Variants in MRGPRE observed in about 807,000 individuals in gnomAD.
MRGPRE encodes MAS related GPR family member E.
For missense variants in MRGPRE, 466 were observed against 433.4 expected, an observed-to-expected ratio of 1.08 and a Z score of -0.67; for synonymous variants, 229 against 206.7, an observed-to-expected ratio of 1.11 and a Z score of -0.92.
At position 3,227,712 on chromosome 11, in the gene MRGPRE, C is replaced by T. The variant is rs10833512; in HGVS notation, c.*149G>A. 0.31 allele frequency: 189,568 copies of T among 619,366 alleles called. 30,978 individuals are homozygous for T. Among genetic ancestry groups the T allele is most frequent in the Admixed American group, 0.37 (10,797 of 29,502 alleles). 38.4% of individuals were successfully genotyped at this position (619,366 alleles called of 1,614,324 possible). A position where few individuals can be genotyped will look rare whatever the true frequency, so the allele number is the denominator to read the frequency against. Reference sequence around the variant, plus strand: ...TCCCAGGGGAGCCTCATGCTCCAGACCAAGGGTCACAACTTTGACAGCACA... The same window carrying T: ...TCCCAGGGGAGCCTCATGCTCCAGATCAAGGGTCACAACTTTGACAGCACA... On this transcript the variant is annotated 3_prime_UTR_variant, in exon 2 of 2. Transcript: ENST00000389832.
Position 3,229,771 on chromosome 11 carries a change from C to A in MRGPRE, c.-61-911G>T, listed in dbSNP as rs914728307. On this transcript the variant is annotated intron_variant, in intron 1 of 1. Transcript: ENST00000389832. This position sits in a 1 kb window ranked among gnomAD's most constrained non-coding sequence, Gnocchi z 4.4. ...TGGCCATGTCCCTGCTGTCCTACAGCAGGACTCCAGCCCTCTGCAGGGTAG... is the reference window on the plus strand; with the variant it reads ...TGGCCATGTCCCTGCTGTCCTACAGAAGGACTCCAGCCCTCTGCAGGGTAG... Among the ~76,000 whole-genome samples, 6 of 152,352 alleles carry A rather than the reference C, an allele frequency of 3.9e-5. No individual in the cohort carries two copies. Among genetic ancestry groups the A allele is most frequent in the African/African-American group, 1.4e-4 (6 of 41,582 alleles).
chr11:3,231,642 C>T lies in MRGPRE; in HGVS notation c.-62+499G>A, dbSNP rs1425085758. Among the ~76,000 whole-genome samples the T allele has an allele frequency of 7.9e-6, 1 of 126,656 alleles. No homozygotes were observed. Among genetic ancestry groups the T allele is most frequent in the East Asian group, 2.2e-4 (1 of 4,476 alleles). 83.1% of individuals were successfully genotyped at this position (126,656 alleles called of 152,430 possible). A position where few individuals can be genotyped will look rare whatever the true frequency, so the allele number is the denominator to read the frequency against. ...GGGGGAGGAGAAGGAGGGGAGGAGG[C>T]GGGGAAGGACGATGGAACAGAAGAG... is the stretch of plus-strand genomic sequence containing the variant. On this transcript the variant is annotated intron_variant, in intron 1 of 1. Transcript: ENST00000389832. The surrounding 1 kb of genome is among the most constrained non-coding windows in gnomAD (Gnocchi z 4.7).
chr11:3,228,175 G>C lies in MRGPRE; in HGVS notation c.625C>G (p.Arg209Gly). 3 of 1,566,912 alleles carry C rather than the reference G, an allele frequency of 1.9e-6. No homozygotes were observed. Among genetic ancestry groups the C allele is most frequent in the African/African-American group, 1.3e-5 (1 of 74,452 alleles). The change falls in exon 2 of 2, where the codon CGG becomes GGG. Residue 209 changes from arginine to glycine, a missense_variant. Arg to Gly is a moderately radical substitution (Grantham distance 125). Coordinates refer to ENST00000389832, the MANE Select transcript of MRGPRE (RefSeq NM_001039165.4). ...LLLRVERGPQ[R>G]PPPRGFPGLI... ...CCAGGGAAGCCCCGGGGTGGGGGCC[G>C]CTGGGGGCCTCGCTCCACCCGCAGC... is the stretch of plus-strand genomic sequence containing the variant.
In MRGPRE at chr11:3,225,550, C is replaced by T. The variant is rs1406560832; in HGVS notation, c.*2311G>A. The stretch of plus-strand genomic sequence containing the variant: ...GCAGCGGGGGAGGTCAGAGGAGGCG[C>T]AGGCTGGGCAGGGGCAGGTGGGAGC... On this transcript the variant is annotated 3_prime_UTR_variant, in exon 2 of 2. Coordinates refer to ENST00000389832, the MANE Select transcript of MRGPRE (RefSeq NM_001039165.4). Among the ~76,000 whole-genome samples, 1 of 152,134 alleles carries T rather than the reference C, an allele frequency of 6.6e-6. No individual in the cohort carries two copies. The highest frequency in any genetic ancestry group is 2.4e-5 in the African/African-American group (1 of 41,420).
chr11:3,229,007 C>T lies in MRGPRE; in HGVS notation c.-61-147G>A. 1.8e-6 allele frequency: 1 copy of T among 552,530 alleles called. No individual in the cohort carries two copies. Among genetic ancestry groups the T allele is most frequent in the Non-Finnish European group, 3.2e-6 (1 of 311,076 alleles). 34.2% of individuals were successfully genotyped at this position (552,530 alleles called of 1,614,324 possible). On this transcript the variant is annotated intron_variant, in intron 1 of 1. Coordinates refer to ENST00000389832, the MANE Select transcript of MRGPRE (RefSeq NM_001039165.4). The surrounding 1 kb of genome is among the most constrained non-coding windows in gnomAD (Gnocchi z 4.4). ...CCCCTCTCTCATTTCCACCCTCAGC[C>T]ACCTGACCTAAGCTTCTCTTCCCTA...
In MRGPRE at chr11:3,227,311, G is replaced by A. The variant is rs1461915317; in HGVS notation, c.*550C>T. On this transcript the variant is annotated 3_prime_UTR_variant, in exon 2 of 2. Coordinates refer to ENST00000389832, the MANE Select transcript of MRGPRE (RefSeq NM_001039165.4). ...CCTTGAGCAACTGGCTGATGATCAAGGACGGGGAGGGGGTCAAGTTTTGGG... is the reference window on the plus strand; with the variant it reads ...CCTTGAGCAACTGGCTGATGATCAAAGACGGGGAGGGGGTCAAGTTTTGGG... Among the ~76,000 whole-genome samples the A allele has an allele frequency of 1.3e-5, 2 of 152,208 alleles. No individual in the cohort carries two copies. The highest frequency in any genetic ancestry group is 2.9e-5 in the Non-Finnish European group (2 of 68,034).
At position 3,231,886 on chromosome 11, in the gene MRGPRE, C is replaced by T. The variant is rs576785547; in HGVS notation, c.-62+255G>A. 2.0e-5 allele frequency among the ~76,000 whole-genome samples: 3 copies of T among 149,784 alleles called. No homozygotes were observed. The highest frequency in any genetic ancestry group is 2.0e-4 in the Admixed American group (3 of 15,084). Reference sequence around the variant, plus strand: ...CAAGGCAGACAGGAGACAGAGCCACCGGGGGTGGGGGGTTGGGGAGCCATC... The same window carrying T: ...CAAGGCAGACAGGAGACAGAGCCACTGGGGGTGGGGGGTTGGGGAGCCATC... On this transcript the variant is annotated intron_variant, in intron 1 of 1. Transcript: ENST00000389832. This position sits in a 1 kb window ranked among gnomAD's most constrained non-coding sequence, Gnocchi z 4.7.
chr11:3,227,216 G>GGA lies in MRGPRE; in HGVS notation c.*643_*644dup, dbSNP rs1481130498. ...CAGGGTGCACCCTCCTAATATCCAG[G>GGA]GACACCCATGGGGCCGGCTTTTCTG... is the stretch of plus-strand genomic sequence containing the variant. On this transcript the variant is annotated 3_prime_UTR_variant, in exon 2 of 2. Coordinates refer to ENST00000389832, the MANE Select transcript of MRGPRE (RefSeq NM_001039165.4). Among the ~76,000 whole-genome samples, 1 of 152,220 alleles carries GGA rather than the reference G, an allele frequency of 6.6e-6. No homozygotes were observed. Among genetic ancestry groups the GGA allele is most frequent in the Admixed American group, 6.5e-5 (1 of 15,290 alleles).
chr11:3,229,118 G>T lies in MRGPRE; in HGVS notation c.-61-258C>A, dbSNP rs10766790. Among the ~76,000 whole-genome samples, 38 of 151,940 alleles carry T rather than the reference G, an allele frequency of 2.5e-4. No individual in the cohort carries two copies. The East Asian group carries it at 6.2e-3, about 25-fold the overall frequency. On this transcript the variant is annotated intron_variant, in intron 1 of 1. Transcript: ENST00000389832. The surrounding 1 kb of genome is among the most constrained non-coding windows in gnomAD (Gnocchi z 4.4). ...GCCTTCCGTGGGGCTGGTCCCTGTA[G>T]GCCAGGTGGGGGCAGGGACCAGGAG... is the stretch of plus-strand genomic sequence containing the variant.
chr11:3,231,268 G>A lies in MRGPRE; in HGVS notation c.-62+873C>T, dbSNP rs1847826677. On this transcript the variant is annotated intron_variant, in intron 1 of 1. Coordinates refer to ENST00000389832, the MANE Select transcript of MRGPRE (RefSeq NM_001039165.4). The surrounding 1 kb of genome is among the most constrained non-coding windows in gnomAD (Gnocchi z 4.7). ...GGGAAGCGATGGACATAGAGGGAGA[G>A]GGGAGAGTGCAGGAAGGGGAGAGGC... is the stretch of plus-strand genomic sequence containing the variant. Among the ~76,000 whole-genome samples the A allele has an allele frequency of 1.3e-5, 2 of 152,064 alleles. No homozygotes were observed. The highest frequency in any genetic ancestry group is 4.1e-4 in the South Asian group (2 of 4,822).
intron 1 of MRGPRE, 82 bp from the exon 2 acceptor site, chr11:3,228,942 G>A (rs1847798689): frequency 4.4e-6 from 3 of 681,384 alleles, no homozygotes; most frequent in Admixed American, 5.9e-5. Flanking sequence ...TGAGAGTTGG[G>A]TGGGTGACCA....
rs1847805749 is a variant in MRGPRE at position 3,229,379 on chromosome 11, C to T, written c.-61-519G>A. 6.6e-6 allele frequency among the ~76,000 whole-genome samples: 1 copy of T among 152,092 alleles called. No homozygotes were observed. The highest frequency in any genetic ancestry group is 2.1e-4 in the South Asian group (1 of 4,820). On this transcript the variant is annotated intron_variant, in intron 1 of 1. Transcript: ENST00000389832. The surrounding 1 kb of genome is among the most constrained non-coding windows in gnomAD (Gnocchi z 4.4). ...GAGCTGGGATTACAGGCGTGCATCACCATGCCCAGCTAATTTATTGCATTT... is the reference window on the plus strand; with the variant it reads ...GAGCTGGGATTACAGGCGTGCATCATCATGCCCAGCTAATTTATTGCATTT...
chr11:3,226,839 C>G lies in MRGPRE; in HGVS notation c.*1022G>C, dbSNP rs1847766496. 6.6e-6 allele frequency among the ~76,000 whole-genome samples: 1 copy of G among 152,204 alleles called. No homozygotes were observed. Among genetic ancestry groups the G allele is most frequent in the South Asian group, 2.1e-4 (1 of 4,830 alleles). ...TGGGTTCTCATATTTTACAGACCAG[C>G]AAACAGAGGCGTAGGGATGTTCAGA... On this transcript the variant is annotated 3_prime_UTR_variant, in exon 2 of 2. Transcript: ENST00000389832.
Position 3,230,663 on chromosome 11 carries a change from A to C in MRGPRE, c.-62+1478T>G, listed in dbSNP as rs995883927. ...GGGGGTGGGGGGCTCAGTGGAGAGG[A>C]GGCCCCAGTCCCAGCACCTCAGGAA... On this transcript the variant is annotated intron_variant, in intron 1 of 1. Coordinates refer to ENST00000389832, the MANE Select transcript of MRGPRE (RefSeq NM_001039165.4). The surrounding 1 kb of genome is among the most constrained non-coding windows in gnomAD (Gnocchi z 5.5). 2.0e-5 allele frequency among the ~76,000 whole-genome samples: 3 copies of C among 151,960 alleles called. No homozygotes were observed. Among genetic ancestry groups the C allele is most frequent in the Non-Finnish European group, 2.9e-5 (2 of 67,942 alleles).
In MRGPRE at chr11:3,230,008, A is replaced by G. The variant is rs1847812305; in HGVS notation, c.-61-1148T>C. Among the ~76,000 whole-genome samples the G allele has an allele frequency of 6.6e-6, 1 of 152,012 alleles. No individual in the cohort carries two copies. Among genetic ancestry groups the G allele is most frequent in the Non-Finnish European group, 1.5e-5 (1 of 67,978 alleles). On this transcript the variant is annotated intron_variant, in intron 1 of 1. Coordinates refer to ENST00000389832, the MANE Select transcript of MRGPRE (RefSeq NM_001039165.4). This position sits in a 1 kb window ranked among gnomAD's most constrained non-coding sequence, Gnocchi z 5.5. ...TGGGAGGCAGCACAAATCCCAGGGGACCTAGGCTGGAATCGGAGTCTTCAT... is the reference window on the plus strand; with the variant it reads ...TGGGAGGCAGCACAAATCCCAGGGGGCCTAGGCTGGAATCGGAGTCTTCAT...
chr11:3,232,199 TC>T lies in MRGPRE; in HGVS notation c.-121del, dbSNP rs969492447. ...GCTCTGACCCTGGGCCTTGGATCTA[TC>T]CTGGCCGCGGCCGAGGGCTCCAGTC... On this transcript the variant is annotated 5_prime_UTR_variant, in exon 1 of 2. An upstream open reading frame in the 5' UTR loses its in-frame stop. Coordinates refer to ENST00000389832, the MANE Select transcript of MRGPRE (RefSeq NM_001039165.4). The T allele has an allele frequency of 9.2e-5, 14 of 152,346 alleles. No homozygotes were observed. The highest frequency in any genetic ancestry group is 3.1e-4 in the African/African-American group (13 of 41,464). 9.4% of individuals were successfully genotyped at this position (152,346 alleles called of 1,614,324 possible).
chr11:3,226,029 GCGTGGGAGGGTGGT>G lies in MRGPRE; in HGVS notation c.*1818_*1831del, dbSNP rs1177373076. 1.5e-4 allele frequency: 23 copies of G among 152,502 alleles called. No individual in the cohort carries two copies. Among genetic ancestry groups the G allele is most frequent in the Admixed American group, 9.2e-4 (14 of 15,282 alleles). 9.4% of individuals were successfully genotyped at this position (152,502 alleles called of 1,614,324 possible). On this transcript the variant is annotated 3_prime_UTR_variant, in exon 2 of 2. Coordinates refer to ENST00000389832, the MANE Select transcript of MRGPRE (RefSeq NM_001039165.4). ...CTGGTCCAGTGAGGCGGAGCGTGTG[GCGTGGGAGGGTGGT>G]GCTGGGAGTCACCTTCTGGCTTTGC...
In MRGPRE at chr11:3,231,078, G is replaced by A. The variant is rs1847824265; in HGVS notation, c.-62+1063C>T. ...GCACAAGTCCCGTCCACCCATGGAC[G>A]GAGCTATCTCCGGGATCTACCAGCA... On this transcript the variant is annotated intron_variant, in intron 1 of 1. Transcript: ENST00000389832. This position sits in a 1 kb window ranked among gnomAD's most constrained non-coding sequence, Gnocchi z 4.7. Among the ~76,000 whole-genome samples, 1 of 152,108 alleles carries A rather than the reference G, an allele frequency of 6.6e-6. No individual in the cohort carries two copies. Among genetic ancestry groups the A allele is most frequent in the African/African-American group, 2.4e-5 (1 of 41,418 alleles).
Position 3,225,746 on chromosome 11 carries a change from G to A in MRGPRE, c.*2115C>T, listed in dbSNP as rs372427846. Among the ~76,000 whole-genome samples the A allele has an allele frequency of 6.6e-6, 1 of 152,246 alleles. No individual in the cohort carries two copies. Among genetic ancestry groups the A allele is most frequent in the South Asian group, 2.1e-4 (1 of 4,834 alleles). On this transcript the variant is annotated 3_prime_UTR_variant, in exon 2 of 2. Coordinates refer to ENST00000389832, the MANE Select transcript of MRGPRE (RefSeq NM_001039165.4). ...ATACCTGCTGCCACAGCAGCTACTA[G>A]AGTGGGGACGAGCTGGGCCCAGTTT...
Sources: gnomAD v4.1 joint callset for allele counts (sites outside exome capture counted in the v4.1 genomes callset) on GRCh38, gnomAD v4.1.1 for gene constraint, Gnocchi (gnomAD v3.1) non-coding constraint, MANE v1.5 for transcripts, NCBI Gene and HGNC (gene_info 2026-07-23, HGNC 2026-07-21) for gene names.